MGAT3: variants seen among roughly 807,000 people sequenced by gnomAD.
MGAT3 encodes GlcNAc-T III.
A neutral mutation model predicts 29.8 loss-of-function variants in MGAT3; 9 were observed. The ratio of observed to expected loss-of-function variants is 0.30; its 90% CI spans 0.18 to 0.53. MGAT3 has a LOEUF of 0.53. MGAT3 is among the 20% of genes least tolerant of loss of function. MGAT3 has a pLI of 0.96. For missense variants in MGAT3, 557 were observed against 769.5 expected (o/e 0.72, Z 3.27); for synonymous variants, 397 against 348.9 (o/e 1.14, Z -1.54).
intron 1 of MGAT3, among the ~76,000 whole-genome samples, chr22:39,474,173 G>A (rs926930075): frequency 1.3e-5 from 2 of 152,170 alleles, no homozygotes; most frequent in Non-Finnish European, 2.9e-5. Flanking sequence ...TGGCCTTGCA[G>A]TGTGCCACCG....
chr22:39,486,780 C>T (rs899859142), intron 1 of MGAT3, among the ~76,000 whole-genome samples: 2 of 152,172 alleles, frequency 1.3e-5, no homozygotes, highest in Non-Finnish European at 2.9e-5. Context: ...GGATTACAGG[C>T]GTGAGCCACC....
At chr22:39,472,132 G>A (rs548914359) in intron 1 of MGAT3, among the ~76,000 whole-genome samples, 2 of 152,292 alleles carry the variant, frequency 1.3e-5, no homozygotes, top group South Asian at 4.1e-4. Flanking sequence ...GCCTTGCTAA[G>A]GGTGGACCCT....
Position 39,488,855 on chromosome 22 carries a change from A to G in MGAT3, c.1508A>G (p.Gln503Arg). The G allele has an allele frequency of 6.2e-7, 1 of 1,606,848 alleles. No homozygotes were observed. Among genetic ancestry groups the G allele is most frequent in the Non-Finnish European group, 8.5e-7 (1 of 1,176,830 alleles). ...RFHYLLDNPY[Q>R]EPRSTAAGGW... ...CACTACCTGCTGGACAACCCCTACC[A>G]GGAGCCCAGGAGCACGGCGGCGGGC... The change falls in exon 2 of 2, where the codon CAG (glutamine) becomes CGG (arginine). Residue 503 changes from glutamine to arginine, a missense_variant. Gln to Arg is a conservative substitution (Grantham distance 43). Around this residue, in one of 3 missense-constraint regions of MGAT3, gnomAD observed 102 missense variants for 97.0 expected, o/e 1.05. Coordinates refer to ENST00000341184, the MANE Select transcript of MGAT3 (RefSeq NM_002409.5).
At chr22:39,461,190 C>T (rs1395155591) in intron 1 of MGAT3, among the ~76,000 whole-genome samples, 2 of 152,160 alleles carry the variant, frequency 1.3e-5, no homozygotes, top group Admixed American at 6.5e-5. Flanking sequence ...TGGTACGTGC[C>T]AGCTTTAGTC....
chr22:39,477,163 G>T (rs1447814538), intron 1 of MGAT3, among the ~76,000 whole-genome samples: 2 of 152,218 alleles, frequency 1.3e-5, no homozygotes, highest in Non-Finnish European at 2.9e-5. Context: ...ACAGAAGGAA[G>T]AACTTCTAGC....
chr22:39,488,760 G>A lies in MGAT3; in HGVS notation c.1413G>A (p.Glu471=), dbSNP rs141333537. 1.2e-6 allele frequency: 2 copies of A among 1,612,318 alleles called. No individual in the cohort carries two copies. Among genetic ancestry groups the A allele is most frequent in the South Asian group, 1.1e-5 (1 of 90,966 alleles). ...TGGWFDGTQQ[E]YPPADPSEHM... ...GCTGGTTCGACGGCACGCAGCAGGA[G>A]TACCCGCCTGCAGACCCCAGCGAGC... Residue 471 remains glutamate (E), a synonymous_variant, in exon 2 of 2, where the codon GAG becomes GAA. Transcript: ENST00000341184.
At chr22:39,464,693 C>T (rs927166812) in intron 1 of MGAT3, among the ~76,000 whole-genome samples, 4 of 151,732 alleles carry the variant, frequency 2.6e-5, no homozygotes, top group Non-Finnish European at 4.4e-5. Context: ...CACCTGCCTC[C>T]GCCTCCCAAA....
chr22:39,466,462 G>A (rs2077701145), intron 1 of MGAT3, among the ~76,000 whole-genome samples: 1 of 152,282 alleles, frequency 6.6e-6, no homozygotes, highest in Non-Finnish European at 1.5e-5. Context: ...CCTTCCTCCG[G>A]GGCTGGTCCA....
rs779415182 is a variant in MGAT3, at chr22:39,488,295, C to T, written c.948C>T (p.Asp316=). 5 of 1,611,640 alleles carry T rather than the reference C, an allele frequency of 3.1e-6. No homozygotes were observed. The highest frequency in any genetic ancestry group is 4.2e-6 in the Non-Finnish European group (5 of 1,179,998). ...GGCCCGACGACGTCTTCATCATTGA[C>T]GATGCGGACGAGATCCCGGCCCGTG... ...NLRPDDVFII[D]DADEIPARDG... Residue 316 remains aspartate (D), a synonymous_variant, in exon 2 of 2, where the codon GAC becomes GAT. Transcript: ENST00000341184.
intron 1 of MGAT3, among the ~76,000 whole-genome samples, chr22:39,464,747 A>G (rs1464721760): frequency 6.7e-6 from 1 of 149,682 alleles, no homozygotes; most frequent in Non-Finnish European, 1.5e-5. Context: ...GGCCTGATAC[A>G]TATTTATTTT....
At chr22:39,466,575 G>C (rs972547465) in intron 1 of MGAT3, among the ~76,000 whole-genome samples, 2 of 152,136 alleles carry the variant, frequency 1.3e-5, no homozygotes, top group Non-Finnish European at 2.9e-5. Context: ...TGCTGATACT[G>C]GTCCCCTGCC....
chr22:39,484,428 AG>A (rs1929214423), intron 1 of MGAT3, among the ~76,000 whole-genome samples: 1 of 152,048 alleles, frequency 6.6e-6, no homozygotes, highest in African/African-American at 2.4e-5. Context: ...GTTGGAGTAC[AG>A]TGGTGCGATC....
chr22:39,475,111 C>T (rs1036235326), intron 1 of MGAT3, among the ~76,000 whole-genome samples: 5 of 143,916 alleles, frequency 3.5e-5, no homozygotes, highest in Non-Finnish European at 5.9e-5. Context: ...GATGAATTCA[C>T]AGCAGGGCTT....
intron 1 of MGAT3, among the ~76,000 whole-genome samples, chr22:39,465,565 C>T (rs1427508092): frequency 3.3e-5 from 5 of 152,176 alleles, no homozygotes; most frequent in East Asian, 1.9e-4. Flanking sequence ...ACACTAGACA[C>T]GATCGAACCA....
At position 39,488,301 on chromosome 22, in the gene MGAT3, G is replaced by A; in HGVS notation, c.954G>A (p.Ala318=). ...ACGACGTCTTCATCATTGACGATGC[G>A]GACGAGATCCCGGCCCGTGACGGCG... The part of the protein sequence containing the change: ...RPDDVFIIDD[A]DEIPARDGVL... The change falls in exon 2 of 2, where the codon GCG becomes GCA. Residue 318 remains alanine, a synonymous_variant. Transcript: ENST00000341184. 2 of 1,611,854 alleles carry A rather than the reference G, an allele frequency of 1.2e-6. No individual in the cohort carries two copies. Among genetic ancestry groups the A allele is most frequent in the African/African-American group, 1.3e-5 (1 of 75,058 alleles).
At chr22:39,477,197 G>A (rs921904080) in intron 1 of MGAT3, among the ~76,000 whole-genome samples, 2 of 152,224 alleles carry the variant, frequency 1.3e-5, no homozygotes, top group African/African-American at 4.8e-5. Flanking sequence ...TGGAATGGGC[G>A]GCCCGTGGGA....
At chr22:39,468,265 C>T (rs1928712032) in intron 1 of MGAT3, among the ~76,000 whole-genome samples, 1 of 152,218 alleles carries the variant, frequency 6.6e-6, no homozygotes, top group Non-Finnish European at 1.5e-5. Context: ...CTGCAGGCTG[C>T]AGGCAGGTGT....
chr22:39,484,428 A>G (rs938900157), intron 1 of MGAT3, among the ~76,000 whole-genome samples: 2 of 152,048 alleles, frequency 1.3e-5, no homozygotes, highest in African/African-American at 4.8e-5. Context: ...GTTGGAGTAC[A>G]GTGGTGCGAT....
chr22:39,461,326 G>A (rs1168894136), intron 1 of MGAT3, among the ~76,000 whole-genome samples: 1 of 152,170 alleles, frequency 6.6e-6, no homozygotes, highest in Non-Finnish European at 1.5e-5. Flanking sequence ...TTCAGGGGGA[G>A]GCATGGGAGG....
Sources: gnomAD v4.1 joint callset for allele counts (sites outside exome capture counted in the v4.1 genomes callset) on GRCh38, gnomAD v4.1.1 for gene constraint, gnomAD v4.1.1 regional missense constraint, MANE v1.5 for transcripts, NCBI Gene and HGNC (gene_info 2026-07-23, HGNC 2026-07-21) for gene names.